Variants in ITGA8 observed in about 807,000 individuals in gnomAD.
ITGA8 encodes integrin subunit alpha 8, also known as integrin alpha-8.
Under a neutral mutation model 142.3 loss-of-function variants are expected in ITGA8, and 91 were observed. The observed-to-expected ratio is 0.64, with a 90% CI of 0.54 to 0.76. The LOEUF (loss-of-function observed/expected upper bound fraction) is 0.76. Ranked by LOEUF, ITGA8 falls within the 30% of genes least tolerant of loss-of-function variation. ITGA8 has a pLI of 0.00. For missense variants in ITGA8, 1,406 were observed against 1,327.7 expected (o/e 1.06, Z -0.92); for synonymous variants, 505 against 485.2 (o/e 1.04, Z -0.54).
intron 12 of ITGA8, among the ~76,000 whole-genome samples, chr10:15,644,461 T>G (rs1220339151): frequency 1.7e-4 from 4 of 23,990 alleles, no homozygotes; most frequent in African/African-American, 4.0e-4. Context: ...TATATATATA[T>G]ATATATATAT....
chr10:15,603,626 A>G (rs1159246077), intron 20 of ITGA8, among the ~76,000 whole-genome samples: 1 of 152,230 alleles, frequency 6.6e-6, no homozygotes, highest in African/African-American at 2.4e-5. Context: ...AAGACTATAA[A>G]TAGCATTGTT....
At chr10:15,575,719 A>G in intron 23 of ITGA8, 125 bp from the exon 24 acceptor site, 2 of 678,818 alleles carry the variant, frequency 2.9e-6, no homozygotes, top group South Asian at 3.3e-5. Flanking sequence ...GATACTCCCT[A>G]CAGGGAAAAA....
chr10:15,663,915 C>T (rs571644798), intron 8 of ITGA8, among the ~76,000 whole-genome samples: 14 of 152,222 alleles, frequency 9.2e-5, no homozygotes, highest in Admixed American at 2.6e-4. Context: ...AATAATTTGG[C>T]ATGTTTTACA....
chr10:15,696,821 C>T (rs1250992488), intron 2 of ITGA8, among the ~76,000 whole-genome samples: 1 of 145,700 alleles, frequency 6.9e-6, no homozygotes, highest in Non-Finnish European at 1.5e-5. Flanking sequence ...AGTGCCACCG[C>T]ACTCCAGCCT....
At chr10:15,597,009 T>C in intron 21 of ITGA8, 198 bp downstream of exon 21, 1 of 563,998 alleles carries the variant, frequency 1.8e-6, no homozygotes. Flanking sequence ...AGAGCATGCA[T>C]CTTTCTGTGT....
intron 13 of ITGA8, among the ~76,000 whole-genome samples, chr10:15,635,003 C>CTTT (rs915334219): frequency 1.3e-3 from 138 of 107,196 alleles, no homozygotes; most frequent in Middle Eastern, 5.6e-3. Flanking sequence ...TTCTTTCTTT[C>CTTT]TTTTTTTTTT....
At chr10:15,670,009 G>A (rs1036691783) in intron 8 of ITGA8, among the ~76,000 whole-genome samples, 34 of 152,246 alleles carry the variant, frequency 2.2e-4, no homozygotes, top group African/African-American at 7.0e-4. Context: ...CTCAAGCTGC[G>A]TGCTGGGAGA....
rs143009974 is a variant in ITGA8 at position 15,520,839 on chromosome 10, A to C, written c.2983-1427T>G. Among the ~76,000 whole-genome samples, 884 of 152,318 alleles carry C rather than the reference A, an allele frequency of 5.8e-3. 6 individuals carry two copies. Among genetic ancestry groups the C allele is most frequent in the African/African-American group, 0.021 (856 of 41,564 alleles). On this transcript the variant is annotated intron_variant, in intron 28 of 29. Transcript: ENST00000378076. ...AAGGATCATTTCAATCCTGAAACAC[A>C]CTCAAGAACTCCAGGACACATTCTA...
intron 13 of ITGA8, among the ~76,000 whole-genome samples, chr10:15,626,903 G>A (rs1833594033): frequency 1.3e-5 from 2 of 152,152 alleles, no homozygotes; most frequent in South Asian, 2.1e-4. Flanking sequence ...CCCTGTTTGA[G>A]CCCTCCAGTC....
At chr10:15,664,614 C>G (rs12416027) in intron 8 of ITGA8, among the ~76,000 whole-genome samples, 14,499 of 150,820 alleles carry the variant, frequency 0.096, 876 homozygotes, top group East Asian at 0.28. Context: ...GTGCTGCACC[C>G]ATTAACTCGT....
chr10:15,619,587 A>C (rs1833452813), intron 13 of ITGA8, among the ~76,000 whole-genome samples: 1 of 152,238 alleles, frequency 6.6e-6, no homozygotes, highest in African/African-American at 2.4e-5. Flanking sequence ...CCAGATGCCG[A>C]AGTTTCTAAG....
chr10:15,587,669 A>G (rs960352928), intron 22 of ITGA8, among the ~76,000 whole-genome samples: 9 of 152,000 alleles, frequency 5.9e-5, no homozygotes, highest in Admixed American at 6.6e-5. Context: ...CAGTTCATAA[A>G]CAGGCAATTA....
chr10:15,569,272 C>T (rs1342704135), intron 25 of ITGA8, among the ~76,000 whole-genome samples: 4 of 152,150 alleles, frequency 2.6e-5, no homozygotes, highest in Admixed American at 1.3e-4. Context: ...CTCTTACAGG[C>T]CCACGGTGGC....
At position 15,592,314 on chromosome 10, in the gene ITGA8, A is replaced by G; in HGVS notation, c.2212-10T>C. 6.2e-7 allele frequency: 1 copy of G among 1,601,442 alleles called. No homozygotes were observed. The highest frequency in any genetic ancestry group is 1.1e-5 in the South Asian group (1 of 90,540). ...GGAGGCCCAGGGAATACTAAAAAAT[A>G]AAATAAAATCACACAAGAGTAGCTT... On this transcript the variant is annotated splice_polypyrimidine_tract_variant and intron_variant, in intron 21 of 29. Transcript: ENST00000378076.
intron 6 of ITGA8, among the ~76,000 whole-genome samples, chr10:15,676,535 C>A (rs569994604): frequency 1.3e-5 from 2 of 152,206 alleles, no homozygotes; most frequent in African/African-American, 4.8e-5. Flanking sequence ...ACCCCTGTGA[C>A]AGTTCGATTA....
At chr10:15,632,738 T>TC (rs1833705909) in intron 13 of ITGA8, among the ~76,000 whole-genome samples, 1 of 152,094 alleles carries the variant, frequency 6.6e-6, no homozygotes, top group Admixed American at 6.5e-5. Context: ...CTTTTTTTTT[T>TC]CTCCCTGAGG....
intron 26 of ITGA8, among the ~76,000 whole-genome samples, chr10:15,556,282 G>C (rs956325066): frequency 3.9e-5 from 6 of 152,036 alleles, no homozygotes; most frequent in African/African-American, 1.4e-4. Context: ...GCCCACCTCA[G>C]CCTCCCAAAG....
chr10:15,661,295 T>C (rs1834282492), intron 8 of ITGA8, among the ~76,000 whole-genome samples: 1 of 152,164 alleles, frequency 6.6e-6, no homozygotes, highest in South Asian at 2.1e-4. Flanking sequence ...GCACGCCTCT[T>C]GAGAATCTAA....
chr10:15,601,274 G>A lies in ITGA8; in HGVS notation c.2118+2934C>T, dbSNP rs182953857. ...GAAAAAAGAAAATGGAAGGGAAGAG[G>A]GGTGTGAGTGGGAAGACCAAAAGTC... is the stretch of plus-strand genomic sequence containing the variant. On this transcript the variant is annotated intron_variant, in intron 20 of 29. Coordinates refer to ENST00000378076, the MANE Select transcript of ITGA8 (RefSeq NM_003638.3). 3.3e-5 allele frequency among the ~76,000 whole-genome samples: 5 copies of A among 152,068 alleles called. No individual in the cohort carries two copies. The East Asian group carries it at 7.7e-4, about 24-fold the overall frequency.
Sources: allele counts gnomAD v4.1 joint callset (sites outside exome capture counted in the v4.1 genomes callset), GRCh38; gene constraint gnomAD v4.1.1; transcripts MANE v1.5; gene names NCBI Gene and HGNC (gene_info 2026-07-23, HGNC 2026-07-21).